Variants in AIDA observed in about 807,000 individuals in gnomAD.
AIDA encodes axin interactor, dorsalization-associated protein.
AIDA carries 18 observed loss-of-function variants against 42.7 expected under a neutral mutation model. The observed-to-expected ratio is 0.42, with a 90% CI of 0.29 to 0.63. The LOEUF (loss-of-function observed/expected upper bound fraction) is 0.63, where lower values mean the gene tolerates loss of function less well. Ranked by LOEUF, AIDA falls within the 20% of genes least tolerant of loss-of-function variation. The probability of loss-of-function intolerance (pLI) is 0.19; values close to 1 mark genes in which losing one functional copy is unlikely to be tolerated. For missense variants in AIDA, 250 were observed against 354.1 expected (o/e 0.71, Z 2.36); for synonymous variants, 104 against 122.9 (o/e 0.85, Z 1.02).
At position 222,673,332 on chromosome 1, in the gene AIDA, A is replaced by G. The variant is rs749290037; in HGVS notation, c.687T>C (p.His229=). Residue 229 remains histidine, a synonymous_variant, in exon 8 of 10, where the codon CAT becomes CAC. Coordinates refer to ENST00000340020, the MANE Select transcript of AIDA (RefSeq NM_022831.4). ...HFNVDIELQK[H]VEKLTKGAAI... ...ACAAACCTTTGGTTAATTTTTCAAC[A>G]TGCTTCTGGAGCTCAATGTCCACAT... 7.5e-6 allele frequency: 12 copies of G among 1,605,410 alleles called. No individual in the cohort carries two copies. Among genetic ancestry groups the G allele is most frequent in the South Asian group, 1.1e-5 (1 of 88,824 alleles).
At chr1:222,687,109 G>A (rs192398070) in intron 5 of AIDA, 73 bp from the exon 6 acceptor site, 1,288 of 1,555,176 alleles carry the variant, frequency 8.3e-4, no homozygotes, top group Non-Finnish European at 1.0e-3. Context: ...ACAGACACTC[G>A]TTTCCCAGGC....
At chr1:222,701,192 G>A (rs1018236644) in intron 2 of AIDA, among the ~76,000 whole-genome samples, 1 of 151,976 alleles carries the variant, frequency 6.6e-6, no homozygotes, top group African/African-American at 2.4e-5. Context: ...TGAACTCCTG[G>A]GCTGAAACAA....
chr1:222,703,892 C>T (rs990941339), intron 1 of AIDA, among the ~76,000 whole-genome samples: 5 of 152,090 alleles, frequency 3.3e-5, no homozygotes, highest in African/African-American at 9.7e-5. Flanking sequence ...CAGCAAAAAA[C>T]TTGTATAGTT....
chr1:222,701,130 T>G (rs750849154), intron 2 of AIDA, among the ~76,000 whole-genome samples: 1 of 151,930 alleles, frequency 6.6e-6, no homozygotes, highest in Non-Finnish European at 1.5e-5. Context: ...GCCTACCTAA[T>G]TTTTGTATTT....
At chr1:222,687,553 TATAAA>T (rs746430235) in intron 5 of AIDA, 37 bp downstream of exon 5, 18 of 1,433,818 alleles carry the variant, frequency 1.3e-5, no homozygotes, top group Non-Finnish European at 1.6e-5. Flanking sequence ...GAAAGAGAGG[TATAAA>T]ATAAAATAAG....
chr1:222,687,788 T>C (rs776654377), intron 4 of AIDA, 130 bp from the exon 5 acceptor site: 1 of 671,656 alleles, frequency 1.5e-6, no homozygotes, highest in Non-Finnish European at 2.2e-6. Context: ...CTTACCACCA[T>C]TTGAGAGCTA....
intron 6 of AIDA, among the ~76,000 whole-genome samples, chr1:222,676,922 C>A (rs562050736): frequency 3.2e-4 from 46 of 141,852 alleles, no homozygotes; most frequent in Admixed American, 6.2e-4. Context: ...AGCAAAAAAA[C>A]CACAAAAAAA....
intron 7 of AIDA, among the ~76,000 whole-genome samples, chr1:222,674,627 CATT>C (rs1257113116): frequency 6.6e-6 from 1 of 152,122 alleles, no homozygotes; most frequent in African/African-American, 2.4e-5. Flanking sequence ...TCTAAATTCT[CATT>C]ATATTTGTTG....
At chr1:222,689,310 C>T (rs1271751826) in intron 4 of AIDA, among the ~76,000 whole-genome samples, 2 of 150,452 alleles carry the variant, frequency 1.3e-5, no homozygotes, top group African/African-American at 4.9e-5. Context: ...CCTGGTGGCA[C>T]ACGCCTGTAA....
intron 6 of AIDA, among the ~76,000 whole-genome samples, chr1:222,683,727 G>A (rs1192893665): frequency 6.6e-6 from 1 of 152,002 alleles, no homozygotes; most frequent in Non-Finnish European, 1.5e-5. Context: ...TAAATTTTTA[G>A]GTTATAAATA....
chr1:222,695,230 G>A (rs1266953530), intron 2 of AIDA, among the ~76,000 whole-genome samples: 1 of 152,144 alleles, frequency 6.6e-6, no homozygotes, highest in Admixed American at 6.5e-5. Context: ...GGTAGCTCAC[G>A]CCTGTAATCC....
At chr1:222,710,549 G>GCAAT (rs759609729) in intron 1 of AIDA, among the ~76,000 whole-genome samples, 3 of 152,172 alleles carry the variant, frequency 2.0e-5, no homozygotes, top group Non-Finnish European at 4.4e-5. Flanking sequence ...TTCAAACTAT[G>GCAAT]CAATATTAGT....
chr1:222,673,556 G>A (rs948288127), intron 7 of AIDA, 121 bp from the exon 8 acceptor site: 48 of 619,072 alleles, frequency 7.8e-5, no homozygotes, highest in Admixed American at 3.7e-4. Context: ...GCGGGCAGAT[G>A]ACAAGGTCAG....
In AIDA at chr1:222,670,310, A is replaced by G. The variant is rs928767563; in HGVS notation, c.707-60T>C. 2.2e-6 allele frequency: 3 copies of G among 1,361,782 alleles called. No homozygotes were observed. The African/African-American group carries it at 4.3e-5, about 20-fold the overall frequency. The allele number at this position is 1,361,782 out of a possible 1,614,324, so 84.4% of individuals were successfully genotyped here. A position where few individuals can be genotyped will look rare whatever the true frequency, so the allele number is the denominator to read the frequency against. Reference sequence around the variant, plus strand: ...TAGCACATTTCTTGTGTGTCAATTAATTTTCTTTGATCACCAGAAGCATAT... The same window carrying G: ...TAGCACATTTCTTGTGTGTCAATTAGTTTTCTTTGATCACCAGAAGCATAT... On this transcript the variant is annotated intron_variant, in intron 8 of 9. Transcript: ENST00000340020.
At chr1:222,676,353 C>A in intron 6 of AIDA, 135 bp from the exon 7 acceptor site, 2 of 975,570 alleles carry the variant, frequency 2.1e-6, no homozygotes, top group Non-Finnish European at 2.9e-6. Flanking sequence ...CCGAAACTCC[C>A]AAACGCTTGG....
In AIDA at chr1:222,701,215, G is replaced by A. The variant is rs1166765822; in HGVS notation, c.180+1933C>T. 3.9e-5 allele frequency among the ~76,000 whole-genome samples: 6 copies of A among 152,124 alleles called. 1 individual carries two copies. Among genetic ancestry groups the A allele is most frequent in the Non-Finnish European group, 8.8e-5 (6 of 67,994 alleles). The stretch of plus-strand genomic sequence containing the variant: ...TGGGCTGAAACAATCTTCCCAACTC[G>A]ACCTCCCAAAGTGCTAAGATTACAG... On this transcript the variant is annotated intron_variant, in intron 2 of 9. Transcript: ENST00000340020.
chr1:222,695,019 T>C (rs893719985), intron 2 of AIDA, among the ~76,000 whole-genome samples: 2 of 152,198 alleles, frequency 1.3e-5, no homozygotes, highest in South Asian at 4.1e-4. Flanking sequence ...CATGGTTCAA[T>C]TGTCTAAAGT....
At chr1:222,688,854 T>A (rs1253301158) in intron 4 of AIDA, among the ~76,000 whole-genome samples, 1 of 151,862 alleles carries the variant, frequency 6.6e-6, no homozygotes, top group Non-Finnish European at 1.5e-5. Context: ...TGCCTCAGCC[T>A]CCCCCCAGAA....
At chr1:222,697,053 C>T (rs1284198702) in intron 2 of AIDA, among the ~76,000 whole-genome samples, 3 of 152,086 alleles carry the variant, frequency 2.0e-5, no homozygotes, top group African/African-American at 7.2e-5. Context: ...AGCGATTCTC[C>T]TGCCTCAGCC....
Sources: gnomAD v4.1 joint callset for allele counts (sites outside exome capture counted in the v4.1 genomes callset) on GRCh38, gnomAD v4.1.1 for gene constraint, MANE v1.5 for transcripts, NCBI Gene and HGNC (gene_info 2026-07-23, HGNC 2026-07-21) for gene names.